The following COL4A5 variants were observed in gnomAD, a reference collection of about 807,000 sequenced individuals.
The protein encoded by COL4A5 is collagen type IV alpha 5 chain.
COL4A5 carries 26 observed loss-of-function variants against 130.2 expected under a neutral mutation model. The observed-to-expected ratio is 0.20, with a 90% CI of 0.15 to 0.28. The LOEUF (loss-of-function observed/expected upper bound fraction) is 0.28, where lower values mean the gene tolerates loss of function less well. Ranked by LOEUF, COL4A5 falls within the 10% of genes least tolerant of loss-of-function variation. The pLI is 1.00. For synonymous variants in COL4A5, 496 were observed against 439.6 expected (o/e 1.13, Z -1.60); for missense variants, 1,131 against 1,344.3 (o/e 0.84, Z 2.48).
chrX:108,666,348 C>A, intron 38 of COL4A5, 148 bp from the exon 39 acceptor site: 3 of 487,453 alleles, frequency 6.2e-6, no homozygotes. Flanking sequence ...TTTTCATTAT[C>A]CTCCTTCATA....
At chrX:108,483,048 A>G (rs186122674) in intron 1 of COL4A5, among the ~76,000 whole-genome samples, 1 of 111,670 alleles carries the variant, frequency 9.0e-6, no homozygotes, top group East Asian at 2.8e-4. Flanking sequence ...TTTGAAGTAG[A>G]GTCCTTAGCA....
intron 29 of COL4A5, 103 bp downstream of exon 29, chrX:108,606,995 A>C (rs935283756): frequency 1.2e-6 from 1 of 842,224 alleles, no homozygotes; most frequent in East Asian, 3.1e-5. Context: ...TGGAAACCCT[A>C]TGCTGCCATT....
chrX:108,568,253 C>G (rs111515911), intron 4 of COL4A5, among the ~76,000 whole-genome samples: 1 of 111,097 alleles, frequency 9.0e-6, no homozygotes, highest in African/African-American at 3.3e-5. Context: ...TGGGGGTGAT[C>G]ACTATTAATG....
chrX:108,467,074 G>A (rs2064713517), intron 1 of COL4A5, among the ~76,000 whole-genome samples: 1 of 110,758 alleles, frequency 9.0e-6, no homozygotes, highest in African/African-American at 3.3e-5. Flanking sequence ...TATGCTTTTG[G>A]CGTCATATCT....
intron 1 of COL4A5, among the ~76,000 whole-genome samples, chrX:108,451,832 A>G (rs1298435212): frequency 9.0e-6 from 1 of 111,404 alleles, no homozygotes; most frequent in Non-Finnish European, 1.9e-5. Flanking sequence ...TTTGCCGTGC[A>G]GAAACTCTTT....
chrX:108,452,257 A>G lies in COL4A5; in HGVS notation c.81+12051A>G, dbSNP rs1283902654. The stretch of plus-strand genomic sequence containing the variant: ...GTAGTATAGTTTGAAGTCAGGTAGC[A>G]TGATGCCTCCAGCTTTGTTCTTTTG... On this transcript the variant is annotated intron_variant, in intron 1 of 52. Coordinates refer to ENST00000328300, the MANE Select transcript of COL4A5 (RefSeq NM_033380.3). Among the ~76,000 whole-genome samples the G allele has an allele frequency of 5.4e-5, 6 of 111,813 alleles. No individual in the cohort carries two copies. In the East Asian group the frequency reaches 1.4e-3, roughly 26 times the overall value.
intron 37 of COL4A5, among the ~76,000 whole-genome samples, chrX:108,665,020 C>T (rs1442845768): frequency 8.9e-6 from 1 of 112,000 alleles, no homozygotes; most frequent in East Asian, 2.8e-4. Flanking sequence ...TACTTTTTGA[C>T]CCAGCAATTC....
intron 35 of COL4A5, 146 bp downstream of exon 35, chrX:108,625,940 C>T (rs1166686460): frequency 3.9e-6 from 2 of 509,796 alleles, no homozygotes; most frequent in Non-Finnish European, 6.6e-6. Context: ...TCTCTTGTTA[C>T]ACAAATATTT....
chrX:108,443,938 A>G (rs1026703268), intron 1 of COL4A5, among the ~76,000 whole-genome samples: 1 of 112,176 alleles, frequency 8.9e-6, no homozygotes, highest in Non-Finnish European at 1.9e-5. Flanking sequence ...ACATTTTTAC[A>G]TTTATTAATT....
At chrX:108,674,684 G>C in intron 42 of COL4A5, 61 bp from the exon 43 acceptor site, 1 of 1,106,473 alleles carries the variant, frequency 9.0e-7, no homozygotes, top group Non-Finnish European at 1.2e-6. Flanking sequence ...ATTTTGTACT[G>C]TGTGATGTCT....
intron 13 of COL4A5, 54 bp from the exon 14 acceptor site, chrX:108,580,479 G>A (rs2066224451): frequency 9.8e-7 from 1 of 1,019,636 alleles, no homozygotes; most frequent in African/African-American, 1.9e-5. Context: ...TGCTTAGAAT[G>A]AAAATGCATG....
intron 2 of COL4A5, among the ~76,000 whole-genome samples, chrX:108,555,417 G>A (rs2065810656): frequency 8.9e-6 from 1 of 111,766 alleles, no homozygotes; most frequent in South Asian, 3.7e-4. Context: ...TAGGTATTAT[G>A]CAAAAAAGAG....
chrX:108,550,127 A>C (rs752937547), intron 2 of COL4A5, among the ~76,000 whole-genome samples: 1 of 111,770 alleles, frequency 8.9e-6, no homozygotes, highest in Admixed American at 9.5e-5. Context: ...ATCTTGCATA[A>C]ATTTATTCAG....
chrX:108,522,538 C>T (rs1361260797), intron 1 of COL4A5, among the ~76,000 whole-genome samples: 7 of 102,872 alleles, frequency 6.8e-5, no homozygotes, highest in East Asian at 3.0e-4. Context: ...TGATTATTAA[C>T]GATGTTGAGC....
chrX:108,579,301 C>T (rs1350058814), intron 13 of COL4A5, among the ~76,000 whole-genome samples: 1 of 112,497 alleles, frequency 8.9e-6, no homozygotes, highest in Non-Finnish European at 1.9e-5. Context: ...GCTTCTTTTA[C>T]TTAGCATAGT....
Position 108,646,988 on chromosome X carries a change from G to A in COL4A5, c.3247-8343G>A, listed in dbSNP as rs181652724. ...ATGCTGTTTTGGTGACTGTAGCCTT[G>A]TAGTATAGTTTGAAGTCAGGTAGCG... On this transcript the variant is annotated intron_variant, in intron 36 of 52. Coordinates refer to ENST00000328300, the MANE Select transcript of COL4A5 (RefSeq NM_033380.3). Among the ~76,000 whole-genome samples the A allele has an allele frequency of 5.7e-3, 633 of 110,492 alleles. 17 individuals are homozygous for A. Among genetic ancestry groups the A allele is most frequent in the Admixed American group, 0.055 (578 of 10,416 alleles).
At chrX:108,540,442 A>C (rs146969123) in intron 2 of COL4A5, among the ~76,000 whole-genome samples, 1,630 of 111,552 alleles carry the variant, frequency 0.015, 22 homozygotes, top group African/African-American at 0.05. Context: ...AATAGATGAA[A>C]GTCTTTTTTT....
chrX:108,695,683 A>G lies in COL4A5; in HGVS notation c.4994+244A>G, dbSNP rs1465830402. 11 of 374,315 alleles carry G rather than the reference A, an allele frequency of 2.9e-5. No homozygotes were observed. In the East Asian group the frequency reaches 5.4e-4, roughly 18 times the overall value. 30.8% of individuals were successfully genotyped at this position (374,315 alleles called of 1,213,427 possible). A position where few individuals can be genotyped will look rare whatever the true frequency, so the allele number is the denominator to read the frequency against. ...AATCCTTCAATAATGAAACAGAGAT[A>G]AAGAAAGGTTATGTGACCTTCCTAA... On this transcript the variant is annotated intron_variant, in intron 52 of 52. Transcript: ENST00000328300.
chrX:108,680,790 A>T, intron 45 of COL4A5, 39 bp downstream of exon 45: 1 of 1,186,850 alleles, frequency 8.4e-7, no homozygotes, highest in Non-Finnish European at 1.1e-6. Context: ...TTTATATTAA[A>T]CTCCTCTGGG....
Sources: allele counts gnomAD v4.1 joint callset (sites outside exome capture counted in the v4.1 genomes callset), GRCh38; gene constraint gnomAD v4.1.1; transcripts MANE v1.5; gene names NCBI Gene and HGNC (gene_info 2026-07-23, HGNC 2026-07-21).